CDK14: variants seen among roughly 807,000 people sequenced by gnomAD.
CDK14 encodes cyclin dependent kinase 14.
CDK14 carries 34 observed loss-of-function variants against 60.7 expected under a neutral mutation model. That is an observed-to-expected ratio of 0.56 (90% CI 0.43 to 0.75). The LOEUF is 0.75. CDK14 is among the 30% of genes least tolerant of loss of function. The pLI, the probability that CDK14 is intolerant of heterozygous loss-of-function variation, is 0.00. For missense variants in CDK14, 482 were observed against 564.1 expected, an observed-to-expected ratio of 0.85 and a Z score of 1.47; for synonymous variants, 197 against 203.7, an observed-to-expected ratio of 0.97 and a Z score of 0.28.
intron 14 of CDK14, among the ~76,000 whole-genome samples, chr7:91,147,706 G>C (rs1800699922): frequency 6.6e-6 from 1 of 152,064 alleles, no homozygotes; most frequent in African/African-American, 2.4e-5. Flanking sequence ...GTGGAGCTGT[G>C]AGTCCCAGGA....
At chr7:91,016,038 A>G (rs1796294973) in intron 10 of CDK14, among the ~76,000 whole-genome samples, 1 of 152,070 alleles carries the variant, frequency 6.6e-6, no homozygotes, top group Non-Finnish European at 1.5e-5. Context: ...AACTGACCTA[A>G]AGTGAGCAAT....
In CDK14 at chr7:90,649,350, TTCC is replaced by T. The variant is rs1280863802; in HGVS notation, c.123+45103_123+45105del. ...CTTCCTTCCTTCCTTCCTTCCTTCCTTCCTTCCTTCCTTCCTTTCCTTCCTTCC... is the reference window on the plus strand; with the variant it reads ...CTTCCTTCCTTCCTTCCTTCCTTCCTTTCCTTCCTTCCTTTCCTTCCTTCC... On this transcript the variant is annotated intron_variant, in intron 2 of 14. Coordinates refer to ENST00000380050, the MANE Select transcript of CDK14 (RefSeq NM_001287135.2). Among the ~76,000 whole-genome samples the T allele has an allele frequency of 3.6e-3, 176 of 49,112 alleles. 14 individuals carry two copies. Among genetic ancestry groups the T allele is most frequent in the African/African-American group, 0.019 (150 of 7,756 alleles). The allele number at this position is 49,112 out of a possible 152,430, so 32.2% of individuals were successfully genotyped here.
intron 2 of CDK14, among the ~76,000 whole-genome samples, chr7:90,635,734 G>T (rs199790108): frequency 6.6e-6 from 1 of 151,556 alleles, no homozygotes; most frequent in Non-Finnish European, 1.5e-5. Flanking sequence ...CAGTATGGCC[G>T]TTTTCACGAT....
At position 90,684,443 on chromosome 7, in the gene CDK14, ATTTG is replaced by A. The variant is rs1248086713; in HGVS notation, c.124-42116_124-42113del. 2.0e-4 allele frequency among the ~76,000 whole-genome samples: 30 copies of A among 152,162 alleles called. No homozygotes were observed. The East Asian group carries it at 5.8e-3, about 29-fold the overall frequency. ...ATTACACATTTGAAATACAATTTGG[ATTTG>A]TTTGTTTACTTTCAGTTTTATTCCT... On this transcript the variant is annotated intron_variant, in intron 2 of 14. Transcript: ENST00000380050.
intron 14 of CDK14, among the ~76,000 whole-genome samples, chr7:91,123,429 G>A (rs1441802924): frequency 1.3e-5 from 2 of 152,014 alleles, no homozygotes; most frequent in Admixed American, 1.3e-4. Flanking sequence ...AGTGTTCTTT[G>A]CAGGTTTCAT....
intron 11 of CDK14, among the ~76,000 whole-genome samples, chr7:91,050,831 A>G (rs1238165806): frequency 6.6e-6 from 1 of 152,186 alleles, no homozygotes; most frequent in Admixed American, 6.5e-5. Flanking sequence ...TGCATGTCAC[A>G]TGGTAAAAGA....
intron 10 of CDK14, among the ~76,000 whole-genome samples, chr7:91,032,110 C>T (rs1419071136): frequency 6.6e-6 from 1 of 152,180 alleles, no homozygotes; most frequent in Non-Finnish European, 1.5e-5. Context: ...TTCTTCTCTT[C>T]CAGGGCACCT....
chr7:90,635,402 A>G (rs1191356243), intron 2 of CDK14, among the ~76,000 whole-genome samples: 4 of 152,272 alleles, frequency 2.6e-5, no homozygotes, highest in East Asian at 3.9e-4. Context: ...TCCTTTCCCC[A>G]TTGCTTGTTT....
intron 14 of CDK14, among the ~76,000 whole-genome samples, chr7:91,171,798 C>A (rs546511234): frequency 2.0e-4 from 30 of 152,170 alleles, no homozygotes; most frequent in Non-Finnish European, 4.1e-4. Context: ...AGGGATGCAC[C>A]ACCACACCCA....
intron 5 of CDK14, among the ~76,000 whole-genome samples, chr7:90,793,167 T>C (rs1455452369): frequency 6.6e-6 from 1 of 152,200 alleles, no homozygotes; most frequent in African/African-American, 2.4e-5. Context: ...ACATCTAGCA[T>C]GGTAATCACT....
chr7:91,017,627 T>A (rs950811413), intron 10 of CDK14, among the ~76,000 whole-genome samples: 2 of 152,166 alleles, frequency 1.3e-5, no homozygotes, highest in African/African-American at 4.8e-5. Context: ...TATTGATTAC[T>A]TCAGATGGTC....
chr7:90,616,306 A>C lies in CDK14; in HGVS notation c.123+12057A>C, dbSNP rs865941629. ...TAATGAAAACATTTTTTATTAAAAAATATAGGTAAAGAAGAGAGATGTTAG... is the reference window on the plus strand; with the variant it reads ...TAATGAAAACATTTTTTATTAAAAACTATAGGTAAAGAAGAGAGATGTTAG... On this transcript the variant is annotated intron_variant, in intron 2 of 14. Transcript: ENST00000380050. Among the ~76,000 whole-genome samples the C allele has an allele frequency of 1.5e-4, 23 of 152,330 alleles. No homozygotes were observed. The Middle Eastern group carries it at 0.014, about 90-fold the overall frequency.
At chr7:90,968,210 A>T (rs561222512) in intron 9 of CDK14, among the ~76,000 whole-genome samples, 94 of 152,234 alleles carry the variant, frequency 6.2e-4, no homozygotes, top group East Asian at 2.1e-3. Context: ...GTGGGTTTTT[A>T]AAAAAAATTT....
At chr7:91,049,714 T>A (rs181824229) in intron 11 of CDK14, among the ~76,000 whole-genome samples, 1 of 152,380 alleles carries the variant, frequency 6.6e-6, no homozygotes, top group East Asian at 1.9e-4. Flanking sequence ...TAACTTATTT[T>A]TTAGTTAATG....
chr7:90,893,204 A>T (rs1387258582), intron 6 of CDK14, among the ~76,000 whole-genome samples: 1 of 152,190 alleles, frequency 6.6e-6, no homozygotes, highest in Admixed American at 6.5e-5. Context: ...TAACCTTGTC[A>T]GACACAAGTA....
intron 2 of CDK14, among the ~76,000 whole-genome samples, chr7:90,626,914 C>T (rs530469258): frequency 9.9e-5 from 15 of 150,964 alleles, no homozygotes; most frequent in Middle Eastern, 3.4e-3. Flanking sequence ...ACTCCAGTCT[C>T]GGTGATAGAA....
At chr7:90,622,042 T>G (rs1306630671) in intron 2 of CDK14, among the ~76,000 whole-genome samples, 2 of 152,240 alleles carry the variant, frequency 1.3e-5, no homozygotes, top group Admixed American at 6.5e-5. Context: ...GTGTAACTTT[T>G]AAGTTGCAAA....
intron 10 of CDK14, among the ~76,000 whole-genome samples, chr7:91,004,806 A>G (rs1444881417): frequency 6.6e-6 from 1 of 152,236 alleles, no homozygotes; most frequent in African/African-American, 2.4e-5. Context: ...TGTACCAATC[A>G]GGGTTCAGTC....
intron 14 of CDK14, among the ~76,000 whole-genome samples, chr7:91,188,563 G>GATAC (rs927811303): frequency 2.6e-5 from 4 of 151,744 alleles, no homozygotes; most frequent in South Asian, 2.1e-4. Context: ...TGGATGGATG[G>GATAC]ATACATACAT....
Sources: gnomAD v4.1 joint callset for allele counts (sites outside exome capture counted in the v4.1 genomes callset) on GRCh38, gnomAD v4.1.1 for gene constraint, MANE v1.5 for transcripts, NCBI Gene and HGNC (gene_info 2026-07-23, HGNC 2026-07-21) for gene names.